Variants in SERPINB7 observed in about 807,000 individuals in gnomAD.
SERPINB7 encodes serpin family B member 7.
Under a neutral mutation model 37.4 loss-of-function variants are expected in SERPINB7, and 31 were observed. The observed-to-expected ratio is 0.83, with a 90% CI of 0.62 to 1.12. The LOEUF (loss-of-function observed/expected upper bound fraction) is 1.12, where lower values mean the gene tolerates loss of function less well. Among genes scored for constraint, SERPINB7 ranks in the 50% most tolerant of loss-of-function variants. The pLI is 0.00. For synonymous variants in SERPINB7, 163 were observed against 166.1 expected (o/e 0.98, Z 0.14); for missense variants, 521 against 455.3 (o/e 1.14, Z -1.31).
chr18:63,786,545 C>G (rs1031187991), intron 2 of SERPINB7, among the ~76,000 whole-genome samples: 6 of 151,956 alleles, frequency 3.9e-5, no homozygotes, highest in Non-Finnish European at 7.4e-5. Flanking sequence ...CTACCACTCT[C>G]TAAGACGAAA....
At chr18:63,762,537 A>T (rs2049159884) in intron 1 of SERPINB7, among the ~76,000 whole-genome samples, 1 of 152,114 alleles carries the variant, frequency 6.6e-6, no homozygotes, top group African/African-American at 2.4e-5. Context: ...ATGGGAAGAG[A>T]TTATATGTAT....
chr18:63,754,208 T>G (rs2049107609), intron 1 of SERPINB7, among the ~76,000 whole-genome samples: 1 of 152,192 alleles, frequency 6.6e-6, no homozygotes, highest in African/African-American at 2.4e-5. Context: ...GGAAGATTTT[T>G]TAAAGAGTTA....
intron 1 of SERPINB7, among the ~76,000 whole-genome samples, chr18:63,767,689 A>T (rs1435175821): frequency 3.3e-5 from 5 of 151,952 alleles, no homozygotes; most frequent in African/African-American, 4.8e-5. Flanking sequence ...TCCAGCTCAT[A>T]AATGAGCTGG....
intron 1 of SERPINB7, among the ~76,000 whole-genome samples, chr18:63,778,299 G>T (rs1040090508): frequency 2.0e-5 from 3 of 152,020 alleles, no homozygotes; most frequent in African/African-American, 7.2e-5. Flanking sequence ...GTTTTTAAAA[G>T]AAATACAAAG....
rs372414662 is a variant in SERPINB7 at position 63,796,277 on chromosome 18, G to A, written c.348G>A (p.Glu116=). The change falls in exon 5 of 8, where the codon GAG becomes GAA. Residue 116 remains glutamate, a synonymous_variant. Transcript: ENST00000398019. ...KVYGFHKDYI[E]CAEKLYDAKV... Reference sequence around the variant, plus strand: ...ATTCTTCTTTATAGGACTACATTGAGTGTGCCGAAAAATTATACGATGCCA... The same window carrying A: ...ATTCTTCTTTATAGGACTACATTGAATGTGCCGAAAAATTATACGATGCCA... The A allele has an allele frequency of 1.2e-4, 189 of 1,603,942 alleles. No individual in the cohort carries two copies. Among genetic ancestry groups the A allele is most frequent in the Middle Eastern group, 1.7e-4 (1 of 6,054 alleles).
intron 1 of SERPINB7, among the ~76,000 whole-genome samples, chr18:63,769,955 C>T (rs1004022497): frequency 9.3e-5 from 14 of 151,038 alleles, no homozygotes; most frequent in Non-Finnish European, 3.0e-5. Context: ...TCCCACCTCA[C>T]GACTTGGTGC....
chr18:63,783,230 GAGAGAA>G (rs1342862094), intron 2 of SERPINB7, among the ~76,000 whole-genome samples: 125 of 61,890 alleles, frequency 2.0e-3, no homozygotes, highest in South Asian at 6.4e-3. Context: ...GAGAGAGAGA[GAGAGAA>G]AGAAAGAAAG....
intron 1 of SERPINB7, among the ~76,000 whole-genome samples, chr18:63,763,213 T>C (rs1236042673): frequency 6.6e-6 from 1 of 152,180 alleles, no homozygotes; most frequent in Non-Finnish European, 1.5e-5. Flanking sequence ...TACAGGAAAT[T>C]GTTGAAAATT....
At chr18:63,755,710 T>C (rs1013934492) in intron 1 of SERPINB7, among the ~76,000 whole-genome samples, 7 of 151,864 alleles carry the variant, frequency 4.6e-5, no homozygotes, top group Admixed American at 3.9e-4. Flanking sequence ...CTGGACAACA[T>C]AGCAAGACCC....
intron 1 of SERPINB7, among the ~76,000 whole-genome samples, chr18:63,763,502 G>T (rs943932201): frequency 5.9e-5 from 9 of 152,126 alleles, no homozygotes; most frequent in African/African-American, 2.2e-4. Flanking sequence ...AAATAGGTTT[G>T]TCTTCTTTTA....
intron 1 of SERPINB7, among the ~76,000 whole-genome samples, chr18:63,780,357 T>C (rs2049289468): frequency 6.6e-6 from 1 of 152,180 alleles, no homozygotes; most frequent in Non-Finnish European, 1.5e-5. Context: ...TGTAAACTTG[T>C]TAATTTTGAT....
chr18:63,768,058 T>C (rs540400761), intron 1 of SERPINB7, among the ~76,000 whole-genome samples: 1 of 152,212 alleles, frequency 6.6e-6, no homozygotes, highest in South Asian at 2.1e-4. Flanking sequence ...ATGTTCTCTT[T>C]CTTTTTAGTG....
At chr18:63,773,926 T>C (rs778645847), upstream of SERPINB7, among the ~76,000 whole-genome samples, 1 of 152,150 alleles carries the variant, frequency 6.6e-6, no homozygotes, top group Non-Finnish European at 1.5e-5. Context: ...CCAGTATGTG[T>C]GTCACGTGGG....
upstream of SERPINB7, among the ~76,000 whole-genome samples, chr18:63,770,983 T>C (rs1286868617): frequency 7.2e-6 from 1 of 139,740 alleles, no homozygotes; most frequent in Admixed American, 7.4e-5. Flanking sequence ...TCTGAGATGT[T>C]GCCAGAGTGG....
At chr18:63,798,273 G>T (rs2049509045) in intron 5 of SERPINB7, among the ~76,000 whole-genome samples, 1 of 152,128 alleles carries the variant, frequency 6.6e-6, no homozygotes, top group Admixed American at 6.6e-5. Flanking sequence ...CTATGAGCAG[G>T]GACCCTGGGG....
At chr18:63,796,199 A>G in intron 4 of SERPINB7, 67 bp from the exon 5 acceptor site, 1 of 939,108 alleles carries the variant, frequency 1.1e-6, no homozygotes, top group Admixed American at 2.1e-5. Context: ...AAAAGTTCAA[A>G]AATACATTTC....
chr18:63,800,023 T>A (rs952161064), intron 6 of SERPINB7, among the ~76,000 whole-genome samples: 6 of 152,008 alleles, frequency 3.9e-5, no homozygotes, highest in African/African-American at 1.2e-4. Flanking sequence ...CTTGCAGGAA[T>A]CTCTATTTTT....
chr18:63,798,820 A>G (rs1166648269), intron 6 of SERPINB7, 74 bp downstream of exon 6: 2 of 1,460,312 alleles, frequency 1.4e-6, no homozygotes, highest in Non-Finnish European at 1.9e-6. Flanking sequence ...TGATAGTTAC[A>G]TAGTAAACTC....
At chr18:63,756,691 A>G (rs745483595) in intron 1 of SERPINB7, among the ~76,000 whole-genome samples, 10 of 152,162 alleles carry the variant, frequency 6.6e-5, no homozygotes, top group Admixed American at 1.3e-4. Context: ...ATTAGAGGGC[A>G]TTAATAAGCA....
Sources: allele counts gnomAD v4.1 joint callset (sites outside exome capture counted in the v4.1 genomes callset), GRCh38; gene constraint gnomAD v4.1.1; transcripts MANE v1.5; gene names NCBI Gene and HGNC (gene_info 2026-07-23, HGNC 2026-07-21).